CFAP74: variants seen among roughly 807,000 people sequenced by gnomAD.
CFAP74 encodes the protein cilia- and flagella-associated protein 74.
CFAP74 carries 124 observed loss-of-function variants against 188.9 expected under a neutral mutation model. The ratio of observed to expected loss-of-function variants is 0.66; its 90% CI spans 0.57 to 0.76. The LOEUF (loss-of-function observed/expected upper bound fraction) is 0.76. Among genes scored for constraint, CFAP74 ranks in the 30% least tolerant of loss-of-function variants. The pLI, the probability that CFAP74 is intolerant of heterozygous loss-of-function variation, is 0.00. For missense variants in CFAP74, 2,198 were observed against 2,165.2 expected, an observed-to-expected ratio of 1.02 and a Z score of -0.30; for synonymous variants, 956 against 916.7, an observed-to-expected ratio of 1.04 and a Z score of -0.77.
At chr1:1,967,984 A>ATGAG (rs1553229128) in intron 11 of CFAP74, among the ~76,000 whole-genome samples, 3 of 150,396 alleles carry the variant, frequency 2.0e-5, no homozygotes, top group Admixed American at 6.6e-5. Context: ...TGAGTAAAGA[A>ATGAG]TGAATGAGTG....
At position 1,965,013 on chromosome 1, in the gene CFAP74, C is replaced by T. The variant is rs1655370325; in HGVS notation, c.1450G>A (p.Asp484Asn). The T allele has an allele frequency of 1.9e-6, 3 of 1,613,884 alleles. No individual in the cohort carries two copies. In the South Asian group the frequency reaches 3.3e-5, roughly 18 times the overall value. The change falls in exon 13 of 39, where the codon GAC becomes AAC. Residue 484 changes from aspartate to asparagine, a missense_variant. Physicochemically the swap from Asp to Asn is conservative, Grantham distance 23. Coordinates refer to ENST00000682832, the MANE Select transcript of CFAP74 (RefSeq NM_001304360.2). ...ACCGTGCGCTCCAGGATGTCCTTGTCCATCTTTGTCCCGCCCACGGGCTTT... is the reference window on the plus strand; with the variant it reads ...ACCGTGCGCTCCAGGATGTCCTTGTTCATCTTTGTCCCGCCCACGGGCTTT... ...DRKPVGGTKMDKDILERTVER... is the reference protein window; with the variant it reads ...DRKPVGGTKMNKDILERTVER...
In CFAP74 at chr1:1,964,966, C is replaced by G; in HGVS notation, c.1497G>C (p.Val499=). The change falls in exon 13 of 39, where the codon GTG becomes GTC. Residue 499 remains valine, a synonymous_variant. Coordinates refer to ENST00000682832, the MANE Select transcript of CFAP74 (RefSeq NM_001304360.2). ...GCCCCCACACCACCTGCTTGTGGACCACCCTGCTCCGCAGCCGCTCCACCG... is the reference window on the plus strand; with the variant it reads ...GCCCCCACACCACCTGCTTGTGGACGACCCTGCTCCGCAGCCGCTCCACCG... ...ERTVERLRSR[V]VHKQVVWGRE... 1 of 1,613,986 alleles carries G rather than the reference C, an allele frequency of 6.2e-7. No individual in the cohort carries two copies.
Position 1,968,935 on chromosome 1 carries a change from G to GGC in CFAP74, c.1047-104_1047-103dup. The GGC allele has an allele frequency of 4.7e-6, 3 of 644,966 alleles. No individual in the cohort carries two copies. Among genetic ancestry groups the GGC allele is most frequent in the Non-Finnish European group, 7.0e-6 (3 of 428,114 alleles). The allele number at this position is 644,966 out of a possible 1,614,324, so 40.0% of individuals were successfully genotyped here. A position where few individuals can be genotyped will look rare whatever the true frequency, so the allele number is the denominator to read the frequency against. On this transcript the variant is annotated intron_variant, in intron 10 of 38. Transcript: ENST00000682832. The surrounding 1 kb of genome is among the most constrained non-coding windows in gnomAD (Gnocchi z 4.3). ...GGCCCCTCCCTAGCGCCCTCCTGGGGGCTCCGGTCCTGCCCAGCAGCCCCA... is the reference window on the plus strand; with the variant it reads ...GGCCCCTCCCTAGCGCCCTCCTGGGGGCGCTCCGGTCCTGCCCAGCAGCCCCA...
intron 1 of CFAP74, among the ~76,000 whole-genome samples, chr1:1,996,088 A>G (rs1479779246): frequency 6.6e-6 from 1 of 152,012 alleles, no homozygotes; most frequent in Non-Finnish European, 1.5e-5. Flanking sequence ...GGAGTCAAGC[A>G]ATTCTTGTAC....
At chr1:1,978,675 C>T (rs1272617433) in intron 6 of CFAP74, among the ~76,000 whole-genome samples, 5 of 152,164 alleles carry the variant, frequency 3.3e-5, no homozygotes, top group African/African-American at 1.2e-4. Flanking sequence ...CCAGCCCTGC[C>T]CACACCTTGA....
chr1:1,959,149 G>C lies in CFAP74; in HGVS notation c.1822C>G (p.Pro608Ala). The C allele has an allele frequency of 6.2e-7, 1 of 1,612,354 alleles. No homozygotes were observed. The highest frequency in any genetic ancestry group is 1.7e-5 in the Admixed American group (1 of 60,008). Residue 608 changes from proline (P) to alanine (A), a missense_variant, in exon 16 of 39, where the codon CCA (proline) becomes GCA (alanine). Coordinates refer to ENST00000682832, the MANE Select transcript of CFAP74 (RefSeq NM_001304360.2). ...CATTTCTTTGTTGAACATTTCAGTG[G>C]AACTGAAAACTCGCCCGTCTGAGCC... ...FLAQTGEFSV[P>A]LKCSTKKCSL...
intron 1 of CFAP74, among the ~76,000 whole-genome samples, chr1:1,991,856 A>T (rs74761695): frequency 2.6e-5 from 4 of 151,708 alleles, no homozygotes; most frequent in Non-Finnish European, 4.4e-5. Flanking sequence ...TGGCTAGCAC[A>T]GTGAAACCCC....
chr1:1,961,022 T>C (rs1000227019), intron 14 of CFAP74, among the ~76,000 whole-genome samples: 1 of 152,190 alleles, frequency 6.6e-6, no homozygotes, highest in African/African-American at 2.4e-5. Flanking sequence ...AACTTGGCAT[T>C]TTTAGAAATG....
chr1:1,993,105 G>A (rs1489662757), intron 1 of CFAP74, among the ~76,000 whole-genome samples: 1 of 150,524 alleles, frequency 6.6e-6, no homozygotes, highest in Admixed American at 6.6e-5. Flanking sequence ...GGAGGCTGAG[G>A]CCCGAGAATT....
intron 18 of CFAP74, chr1:1,953,637 G>A (rs1382730844): frequency 6.5e-6 from 1 of 153,624 alleles, no homozygotes; most frequent in East Asian, 1.9e-4. Flanking sequence ...TGGATCGAAT[G>A]GGATAGCAGA....
intron 18 of CFAP74, 169 bp downstream of exon 18, chr1:1,955,522 C>G (rs1553225607): frequency 2.0e-5 from 32 of 1,609,232 alleles, no homozygotes; most frequent in Non-Finnish European, 8.5e-7. Context: ...CCAAAAACAA[C>G]ACTTAGTGGC....
chr1:1,995,162 A>ATG (rs1657849376), intron 1 of CFAP74, among the ~76,000 whole-genome samples: 3 of 152,138 alleles, frequency 2.0e-5, no homozygotes, highest in African/African-American at 7.2e-5. Context: ...ACTGAAAATC[A>ATG]TCAGAAATGC....
chr1:1,976,173 C>T (rs909898260), intron 6 of CFAP74, among the ~76,000 whole-genome samples: 2 of 152,222 alleles, frequency 1.3e-5, no homozygotes, highest in Non-Finnish European at 2.9e-5. Context: ...TCCCAGAGAC[C>T]CCACCTCTTC....
At chr1:1,958,078 G>A (rs1050791412) in intron 16 of CFAP74, among the ~76,000 whole-genome samples, 2 of 152,336 alleles carry the variant, frequency 1.3e-5, no homozygotes, top group East Asian at 1.9e-4. Context: ...TGCCACCATC[G>A]GTGACTCTCA....
chr1:2,002,307 T>C (rs770406063), intron 1 of CFAP74, among the ~76,000 whole-genome samples: 1 of 151,820 alleles, frequency 6.6e-6, no homozygotes, highest in Non-Finnish European at 1.5e-5. Flanking sequence ...ATATATATTA[T>C]TAAACTTATA....
chr1:1,971,943 G>T (rs371638484), intron 9 of CFAP74, 37 bp downstream of exon 9: 3 of 1,521,370 alleles, frequency 2.0e-6, no homozygotes, highest in Non-Finnish European at 2.7e-6. Flanking sequence ...CCGGCAGGGC[G>T]CCAAGGGAGA....
rs573093190 is a variant in CFAP74, at chr1:1,927,751, G to C, written c.3388-5C>G. On this transcript the variant is annotated splice_region_variant and splice_polypyrimidine_tract_variant and intron_variant, in intron 27 of 38. Coordinates refer to ENST00000682832, the MANE Select transcript of CFAP74 (RefSeq NM_001304360.2). ...GGGGGCCATATTCTTTCGGAACTGT[G>C]GGGGGAGCGACTGGCTGTGGGGCTG... The C allele has an allele frequency of 9.0e-6, 14 of 1,548,462 alleles. No homozygotes were observed. The East Asian group carries it at 9.8e-5, about 11-fold the overall frequency.
Position 1,974,103 on chromosome 1 carries a change from T to C in CFAP74, c.596A>G (p.Gln199Arg), listed in dbSNP as rs747366314. 3.0e-5 allele frequency: 49 copies of C among 1,612,210 alleles called. 1 individual carries two copies. The South Asian group carries it at 4.4e-4, about 14-fold the overall frequency. The change falls in exon 7 of 39, where the codon CAG (glutamine) becomes CGG (arginine). Residue 199 changes from glutamine to arginine, a missense_variant. Coordinates refer to ENST00000682832, the MANE Select transcript of CFAP74 (RefSeq NM_001304360.2). The stretch of plus-strand genomic sequence containing the variant: ...GCAGAGCTGCTCGGCTGCGCGCACC[T>C]GGAGCCGCCGCCCCGTGGCCTCCAC... The part of the protein sequence containing the change: ...EEVEATGRRL[Q>R]VRAAEQLCRE...
At chr1:1,995,711 C>A (rs1015771350) in intron 1 of CFAP74, among the ~76,000 whole-genome samples, 4 of 151,778 alleles carry the variant, frequency 2.6e-5, no homozygotes, top group African/African-American at 4.8e-5. Context: ...AGATCGAGAC[C>A]ATCCTGGCTA....
Sources: allele counts gnomAD v4.1 joint callset (sites outside exome capture counted in the v4.1 genomes callset), GRCh38; gene constraint gnomAD v4.1.1; non-coding constraint Gnocchi (gnomAD v3.1); transcripts MANE v1.5; gene names NCBI Gene and HGNC (gene_info 2026-07-23, HGNC 2026-07-21).